CENPQ: variants seen among roughly 807,000 people sequenced by gnomAD.
The protein encoded by CENPQ is chromosome 6 open reading frame 139.
A neutral mutation model predicts 36.6 loss-of-function variants in CENPQ; 27 were observed. The ratio of observed to expected loss-of-function variants is 0.74; its 90% CI spans 0.54 to 1.02. The LOEUF (loss-of-function observed/expected upper bound fraction) is 1.02, where lower values mean the gene tolerates loss of function less well. Among genes scored for constraint, CENPQ ranks in the 50% least tolerant of loss-of-function variants. CENPQ has a pLI of 0.00. For missense variants in CENPQ, 306 were observed against 301.8 expected, an observed-to-expected ratio of 1.01 and a Z score of -0.10; for synonymous variants, 101 against 101.7, an observed-to-expected ratio of 0.99 and a Z score of 0.04.
Position 49,472,960 on chromosome 6 carries a change from T to G in CENPQ, c.347+102T>G, listed in dbSNP as rs1458024837. 3.5e-6 allele frequency: 3 copies of G among 865,884 alleles called. No homozygotes were observed. The African/African-American group carries it at 5.3e-5, about 15-fold the overall frequency. 53.6% of individuals were successfully genotyped at this position (865,884 alleles called of 1,614,324 possible). A position where few individuals can be genotyped will look rare whatever the true frequency, so the allele number is the denominator to read the frequency against. ...CACTTGTGGAATGTAAGTTTTTCTT[T>G]TTTTTTAGAGAAGGTGAACAACTTG... On this transcript the variant is annotated intron_variant, in intron 5 of 8. Transcript: ENST00000335783.
At position 49,474,406 on chromosome 6, in the gene CENPQ, C is replaced by T. The variant is rs1225348735; in HGVS notation, c.347+1548C>T. 2.6e-5 allele frequency among the ~76,000 whole-genome samples: 4 copies of T among 152,086 alleles called. No individual in the cohort carries two copies. In the East Asian group the frequency reaches 7.7e-4, roughly 29 times the overall value. On this transcript the variant is annotated intron_variant, in intron 5 of 8. Transcript: ENST00000335783. ...CTACATGGAAACTGAACAACCTGCT[C>T]CTGAATGACTACTGGGTACATAACG...
intron 5 of CENPQ, among the ~76,000 whole-genome samples, chr6:49,473,399 T>G (rs1198747654): frequency 6.6e-6 from 1 of 152,092 alleles, no homozygotes; most frequent in African/African-American, 2.4e-5. Context: ...TTTACACAAC[T>G]TTTTCTTTTT....
rs1768173055 is a variant in CENPQ at position 49,472,770 on chromosome 6, C to A, written c.279-20C>A. On this transcript the variant is annotated intron_variant, in intron 4 of 8. Transcript: ENST00000335783. ...TTGTGCATCAGACTACTATTTATTC[C>A]ATCTTTTTTTCTTTTCTAGGACAAT... 2 of 1,416,170 alleles carry A rather than the reference C, an allele frequency of 1.4e-6. No individual in the cohort carries two copies. Among genetic ancestry groups the A allele is most frequent in the African/African-American group, 1.5e-5 (1 of 67,984 alleles). The allele number at this position is 1,416,170 out of a possible 1,614,324, so 87.7% of individuals were successfully genotyped here. A position where few individuals can be genotyped will look rare whatever the true frequency, so the allele number is the denominator to read the frequency against.
intron 6 of CENPQ, among the ~76,000 whole-genome samples, chr6:49,481,941 C>T (rs557300523): frequency 2.0e-5 from 3 of 152,154 alleles, no homozygotes; most frequent in South Asian, 2.1e-4. Context: ...TCAGGCATGG[C>T]GGGCTGCAGG....
At chr6:49,476,794 A>C (rs1426992631) in intron 5 of CENPQ, among the ~76,000 whole-genome samples, 2 of 152,258 alleles carry the variant, frequency 1.3e-5, no homozygotes, top group Non-Finnish European at 2.9e-5. Context: ...GAAGACATTT[A>C]TGCAGCCAAC....
At position 49,475,332 on chromosome 6, in the gene CENPQ, A is replaced by T. The variant is rs1312591313; in HGVS notation, c.347+2474A>T. ...AACCAAAAACAAAAACCACATGATTATCTCACTAGATGCAGAAAAGGCCTT... is the reference window on the plus strand; with the variant it reads ...AACCAAAAACAAAAACCACATGATTTTCTCACTAGATGCAGAAAAGGCCTT... On this transcript the variant is annotated intron_variant, in intron 5 of 8. Coordinates refer to ENST00000335783, the MANE Select transcript of CENPQ (RefSeq NM_018132.4). Among the ~76,000 whole-genome samples, 98 of 152,240 alleles carry T rather than the reference A, an allele frequency of 6.4e-4. 2 individuals are homozygous for T. The highest frequency in any genetic ancestry group is 6.4e-3 in the Admixed American group (98 of 15,288).
At chr6:49,492,076 C>G in intron 8 of CENPQ, 68 bp from the exon 9 acceptor site, 1 of 1,267,686 alleles carries the variant, frequency 7.9e-7, no homozygotes, top group Middle Eastern at 2.4e-4. Flanking sequence ...ACTGTTCTCT[C>G]TAACATACAT....
At chr6:49,475,352 G>C (rs1186564886) in intron 5 of CENPQ, among the ~76,000 whole-genome samples, 1 of 152,052 alleles carries the variant, frequency 6.6e-6, no homozygotes, top group Non-Finnish European at 1.5e-5. Flanking sequence ...ATGCAGAAAA[G>C]GCCTTTGACA....
intron 5 of CENPQ, among the ~76,000 whole-genome samples, chr6:49,476,604 A>G (rs1169589755): frequency 1.3e-5 from 2 of 152,264 alleles, no homozygotes; most frequent in Non-Finnish European, 2.9e-5. Flanking sequence ...GCTTCTGCAC[A>G]TCAAAAGAAA....
chr6:49,488,530 G>A, intron 7 of CENPQ, 59 bp downstream of exon 7: 5 of 1,590,916 alleles, frequency 3.1e-6, no homozygotes, highest in Non-Finnish European at 4.3e-6. Context: ...GTTAAATTAT[G>A]CAAAGATAAC....
intron 1 of CENPQ, among the ~76,000 whole-genome samples, chr6:49,466,615 G>A (rs1768005511): frequency 6.6e-6 from 1 of 152,086 alleles, no homozygotes; most frequent in Non-Finnish European, 1.5e-5. Flanking sequence ...GTTTCCCTTG[G>A]ATCTAAGAAT....
At chr6:49,490,641 T>G (rs1768699362) in intron 8 of CENPQ, among the ~76,000 whole-genome samples, 1 of 152,238 alleles carries the variant, frequency 6.6e-6, no homozygotes, top group Non-Finnish European at 1.5e-5. Flanking sequence ...TAGGCCTTCC[T>G]CACTAAACTT....
intron 5 of CENPQ, among the ~76,000 whole-genome samples, chr6:49,474,301 A>G (rs780037550): frequency 3.3e-5 from 5 of 152,174 alleles, no homozygotes; most frequent in Non-Finnish European, 7.3e-5. Context: ...AAAGAACAGA[A>G]ATTATAACAA....
intron 5 of CENPQ, among the ~76,000 whole-genome samples, chr6:49,477,244 G>A (rs1303668863): frequency 6.6e-6 from 1 of 151,998 alleles, no homozygotes; most frequent in Non-Finnish European, 1.5e-5. Context: ...GCAGCCATAA[G>A]AAAGGATGAG....
At chr6:49,468,486 T>C (rs9349491) in intron 1 of CENPQ, among the ~76,000 whole-genome samples, 89,207 of 151,550 alleles carry the variant, frequency 0.59, 26,606 homozygotes, top group South Asian at 0.65. Context: ...CCCAGCTACT[T>C]GGAAGGCTGA....
rs543448694 is a variant in CENPQ at position 49,484,004 on chromosome 6, G to A, written c.477+2924G>A. On this transcript the variant is annotated intron_variant, in intron 6 of 8. Transcript: ENST00000335783. ...CAGTAGCAGTCCTATTTTTTCATCA[G>A]ATTTTAACTGAACTATCTTAGTATT... 2.6e-5 allele frequency among the ~76,000 whole-genome samples: 4 copies of A among 152,382 alleles called. No homozygotes were observed. The South Asian group carries it at 8.3e-4, about 32-fold the overall frequency.
At chr6:49,470,740 C>T (rs542171548) in intron 2 of CENPQ, among the ~76,000 whole-genome samples, 7 of 150,248 alleles carry the variant, frequency 4.7e-5, no homozygotes, top group Non-Finnish European at 8.9e-5. Flanking sequence ...TTAAAACATT[C>T]TTTGACACTG....
chr6:49,486,690 T>G (rs111942955), intron 6 of CENPQ, among the ~76,000 whole-genome samples: 2,350 of 152,288 alleles, frequency 0.015, 66 homozygotes, highest in African/African-American at 0.052. Flanking sequence ...ATTAAGGAAT[T>G]TATTGAGATT....
chr6:49,485,659 A>C (rs1486487915), intron 6 of CENPQ, among the ~76,000 whole-genome samples: 7 of 152,180 alleles, frequency 4.6e-5, no homozygotes, highest in Non-Finnish European at 1.0e-4. Flanking sequence ...AGAATGAATG[A>C]GACATAAAAG....
Sources: gnomAD v4.1 joint callset for allele counts (sites outside exome capture counted in the v4.1 genomes callset) on GRCh38, gnomAD v4.1.1 for gene constraint, MANE v1.5 for transcripts, NCBI Gene and HGNC (gene_info 2026-07-23, HGNC 2026-07-21) for gene names.